Variants in MAGED1 observed in about 807,000 individuals in gnomAD.
MAGED1 encodes MAGE family member D1.
Under a neutral mutation model 54.1 loss-of-function variants are expected in MAGED1, and 3 were observed. That is an observed-to-expected ratio of 0.06 (90% CI 0.03 to 0.14). The LOEUF is 0.14. Ranked by LOEUF, MAGED1 falls within the 10% of genes least tolerant of loss-of-function variation. The pLI, the probability that MAGED1 is intolerant of heterozygous loss-of-function variation, is 1.00. For missense variants in MAGED1, 485 were observed against 623.4 expected, an observed-to-expected ratio of 0.78 and a Z score of 2.36; for synonymous variants, 217 against 227.3, an observed-to-expected ratio of 0.95 and a Z score of 0.41.
At chrX:51,861,407 T>G in intron 1 of MAGED1, among the ~76,000 whole-genome samples, 1 of 112,006 alleles carries the variant, frequency 8.9e-6, no homozygotes, top group Admixed American at 9.5e-5. Flanking sequence ...CTTTTGGTTT[T>G]TATCTAAATA....
chrX:51,860,194 G>T (rs1927229560), intron 1 of MAGED1, among the ~76,000 whole-genome samples: 1 of 111,000 alleles, frequency 9.0e-6, no homozygotes, highest in Middle Eastern at 4.6e-3. Context: ...GAACCTGGGA[G>T]GGGGAGGTTG....
chrX:51,883,698 T>TA (rs1928141559), intron 1 of MAGED1, among the ~76,000 whole-genome samples: 1 of 111,913 alleles, frequency 8.9e-6, no homozygotes, highest in Admixed American at 9.5e-5. Flanking sequence ...ACAGCCGTCC[T>TA]AAAAATGTTT....
chrX:51,863,309 G>A (rs1927346705), intron 1 of MAGED1, among the ~76,000 whole-genome samples: 1 of 112,442 alleles, frequency 8.9e-6, no homozygotes, highest in African/African-American at 3.2e-5. Flanking sequence ...CCTTTATCAA[G>A]GGTGAACAAT....
chrX:51,892,515 A>G (rs1262056017), upstream of MAGED1, among the ~76,000 whole-genome samples: 2 of 112,034 alleles, frequency 1.8e-5, no homozygotes, highest in African/African-American at 6.5e-5. Flanking sequence ...GTGTGATTGT[A>G]TCCCTGATAA....
intron 1 of MAGED1, among the ~76,000 whole-genome samples, chrX:51,811,736 T>C (rs1925227739): frequency 9.0e-6 from 1 of 111,348 alleles, no homozygotes; most frequent in South Asian, 3.8e-4. Context: ...GAATAATATG[T>C]TCCCAGAGTC....
intron 1 of MAGED1, among the ~76,000 whole-genome samples, chrX:51,851,621 T>C (rs1214679472): frequency 9.1e-6 from 1 of 109,452 alleles, no homozygotes; most frequent in African/African-American, 3.3e-5. Flanking sequence ...AAATATCTTA[T>C]TGCACCATAC....
At position 51,807,221 on chromosome X, in the gene MAGED1, A is replaced by G. The variant is rs371179609; in HGVS notation, c.-37+4104A>G. Among the ~76,000 whole-genome samples the G allele has an allele frequency of 6.3e-5, 7 of 111,884 alleles. No homozygotes were observed. The East Asian group carries it at 1.7e-3, about 27-fold the overall frequency. On this transcript the variant is annotated intron_variant, in intron 1 of 12. Transcript: ENST00000375772. ...TTTCTCTGATGATGGACCTTTCCAT[A>G]AGTTTGTTAGTCTTTTGGATATTTT...
chrX:51,876,490 C>A (rs1182295689), intron 1 of MAGED1, among the ~76,000 whole-genome samples: 3 of 111,213 alleles, frequency 2.7e-5, no homozygotes, highest in African/African-American at 9.8e-5. Flanking sequence ...TAAGTGATTC[C>A]TTTGGATCCC....
At position 51,865,093 on chromosome X, in the gene MAGED1, T is replaced by C. The variant is rs183776420; in HGVS notation, c.-36-29176T>C. ...TATGTTGTTAGCCATGGGCTTGTGA[T>C]ATACGGCCTTTACTGCCTTTGGGTA... On this transcript the variant is annotated intron_variant, in intron 1 of 12. Coordinates refer to the MAGED1 transcript ENST00000375772. Among the ~76,000 whole-genome samples, 3 of 112,711 alleles carry C rather than the reference T, an allele frequency of 2.7e-5. No homozygotes were observed. The Admixed American group carries it at 2.8e-4, about 11-fold the overall frequency.
At chrX:51,869,978 C>T (rs1405359646) in intron 1 of MAGED1, among the ~76,000 whole-genome samples, 1 of 111,139 alleles carries the variant, frequency 9.0e-6, no homozygotes, top group Non-Finnish European at 1.9e-5. Context: ...TCAGGGGATC[C>T]TTCTGCCTCA....
chrX:51,877,830 C>T (rs1368407626), intron 1 of MAGED1, among the ~76,000 whole-genome samples: 2 of 111,629 alleles, frequency 1.8e-5, no homozygotes, highest in South Asian at 7.5e-4. Context: ...GGACCATTTT[C>T]CCAATGTTTT....
chrX:51,896,459 C>A lies in MAGED1; in HGVS notation c.804C>A (p.Ala268=), dbSNP rs781895375. 2 of 1,210,835 alleles carry A rather than the reference C, an allele frequency of 1.7e-6. No individual in the cohort carries two copies. The highest frequency in any genetic ancestry group is 1.8e-5 in the South Asian group (1 of 56,922). The stretch of plus-strand genomic sequence containing the variant: ...ACAGCAGTGGGGATCAGAGGCGGGC[C>A]CCACTGGCTGCAGGGACCTGGAGGT... ...EENSSGDQRR[A]PLAAGTWRSA... is the part of the protein sequence containing the mutation. Residue 268 remains alanine (A), a synonymous_variant, in exon 4 of 13, where the codon GCC becomes GCA. Transcript: ENST00000326587.
At chrX:51,846,072 G>A (rs781843392) in intron 1 of MAGED1, among the ~76,000 whole-genome samples, 8 of 111,686 alleles carry the variant, frequency 7.2e-5, no homozygotes, top group Middle Eastern at 4.6e-3. Flanking sequence ...CACCGTGCCC[G>A]GCCCGATGTG....
chrX:51,831,261 A>C (rs1349171724), intron 1 of MAGED1, among the ~76,000 whole-genome samples: 1 of 112,654 alleles, frequency 8.9e-6, no homozygotes, highest in Non-Finnish European at 1.9e-5. Context: ...ACTGAGATGC[A>C]AGTACAGTGT....
chrX:51,898,253 C>T, intron 8 of MAGED1, 32 bp from the exon 9 acceptor site: 8 of 1,209,283 alleles, frequency 6.6e-6, no homozygotes, highest in South Asian at 1.8e-5. Context: ...GCTTATTTTC[C>T]GTCCCTTGTC....
chrX:51,845,378 G>C (rs1926648246), intron 1 of MAGED1, among the ~76,000 whole-genome samples: 1 of 112,536 alleles, frequency 8.9e-6, no homozygotes, highest in African/African-American at 3.2e-5. Flanking sequence ...TTGAGCCACA[G>C]AGGATATTTT....
intron 1 of MAGED1, among the ~76,000 whole-genome samples, chrX:51,846,419 G>A (rs1926689301): frequency 1.8e-5 from 2 of 111,495 alleles, no homozygotes; most frequent in Admixed American, 1.9e-4. Flanking sequence ...GTAGACTGTG[G>A]AAGCTAGAAA....
At chrX:51,805,748 ACT>A (rs782221434) in intron 1 of MAGED1, among the ~76,000 whole-genome samples, 15 of 107,865 alleles carry the variant, frequency 1.4e-4, no homozygotes, top group Admixed American at 3.0e-4. Context: ...ATATTAGCTC[ACT>A]CTCTCTATTA....
chrX:51,865,417 G>A, intron 1 of MAGED1, among the ~76,000 whole-genome samples: 1 of 111,793 alleles, frequency 8.9e-6, no homozygotes, highest in Non-Finnish European at 1.9e-5. Context: ...TGGATGAACA[G>A]GTACTCAATC....
Sources: gnomAD v4.1 joint callset for allele counts (sites outside exome capture counted in the v4.1 genomes callset) on GRCh38, gnomAD v4.1.1 for gene constraint, MANE v1.5 for transcripts, NCBI Gene and HGNC (gene_info 2026-07-23, HGNC 2026-07-21) for gene names.